The following CNTN5 variants were observed in gnomAD, a reference collection of about 807,000 sequenced individuals.
The protein encoded by CNTN5 is contactin 5.
A neutral mutation model predicts 129.1 loss-of-function variants in CNTN5; 77 were observed. That is an observed-to-expected ratio of 0.60 (90% CI 0.50 to 0.72). The LOEUF (loss-of-function observed/expected upper bound fraction) is 0.72. CNTN5 is among the 30% of genes least tolerant of loss of function. CNTN5 has a pLI of 0.00. For missense variants in CNTN5, 1,478 were observed against 1,328.8 expected (o/e 1.11, Z -1.75); for synonymous variants, 509 against 465.6 (o/e 1.09, Z -1.20).
At chr11:100,053,341 A>G (rs893159245) in intron 9 of CNTN5, among the ~76,000 whole-genome samples, 2 of 151,734 alleles carry the variant, frequency 1.3e-5, no homozygotes, top group Non-Finnish European at 3.0e-5. Context: ...TGTGCAATAT[A>G]TATTTGATAA....
intron 1 of CNTN5, among the ~76,000 whole-genome samples, chr11:99,033,248 C>A (rs997119776): frequency 2.6e-5 from 4 of 151,572 alleles, no homozygotes; most frequent in Admixed American, 2.6e-4. Context: ...CTTGGCAATG[C>A]GGGCTCTTTT....
chr11:99,137,753 A>G (rs569474294), intron 1 of CNTN5, among the ~76,000 whole-genome samples: 1 of 152,204 alleles, frequency 6.6e-6, no homozygotes, highest in South Asian at 2.1e-4. Flanking sequence ...ATTCTATAAC[A>G]CTAATTTTGT....
chr11:100,219,474 A>G (rs1181859224), intron 15 of CNTN5, among the ~76,000 whole-genome samples: 1 of 152,190 alleles, frequency 6.6e-6, no homozygotes, highest in Non-Finnish European at 1.5e-5. Flanking sequence ...CACTAGATTA[A>G]TACAGAAATG....
intron 9 of CNTN5, among the ~76,000 whole-genome samples, chr11:100,027,525 T>C (rs891374526): frequency 6.6e-6 from 1 of 152,342 alleles, no homozygotes; most frequent in African/African-American, 2.4e-5. Context: ...CACTGGTCCT[T>C]CTAATCCTTT....
intron 13 of CNTN5, among the ~76,000 whole-genome samples, chr11:100,097,940 A>G (rs1343882659): frequency 6.6e-6 from 1 of 152,064 alleles, no homozygotes; most frequent in East Asian, 1.9e-4. Context: ...GGACAAAATT[A>G]AACATGGTAA....
chr11:100,247,574 C>T (rs746268876), intron 16 of CNTN5, among the ~76,000 whole-genome samples: 3 of 152,094 alleles, frequency 2.0e-5, no homozygotes, highest in Admixed American at 6.6e-5. Context: ...CCCAATCCCA[C>T]GTGAAGTTGA....
chr11:99,816,074 A>C (rs1443708136), intron 3 of CNTN5, among the ~76,000 whole-genome samples: 2 of 152,096 alleles, frequency 1.3e-5, no homozygotes, highest in African/African-American at 2.4e-5. Context: ...TTTAAATTCA[A>C]CTATTAATAG....
chr11:99,513,617 A>G (rs1054399659), intron 2 of CNTN5, among the ~76,000 whole-genome samples: 8 of 152,142 alleles, frequency 5.3e-5, no homozygotes, highest in Non-Finnish European at 1.0e-4. Context: ...GAATTATGCT[A>G]AATCTACTCT....
intron 1 of CNTN5, among the ~76,000 whole-genome samples, chr11:99,090,721 G>GAAA (rs934808247): frequency 9.6e-5 from 9 of 94,124 alleles, no homozygotes; most frequent in East Asian, 3.0e-4. Flanking sequence ...GTGCTCACCA[G>GAAA]AAAAAAAAAA....
intron 2 of CNTN5, among the ~76,000 whole-genome samples, chr11:99,455,980 C>G (rs11220010): frequency 3.3e-5 from 5 of 152,184 alleles, no homozygotes; most frequent in East Asian, 3.9e-4. Flanking sequence ...GTTGCCAAAA[C>G]AACCAGGAGC....
chr11:99,905,119 G>T (rs972562280), intron 6 of CNTN5, among the ~76,000 whole-genome samples: 3 of 152,122 alleles, frequency 2.0e-5, no homozygotes, highest in African/African-American at 7.2e-5. Flanking sequence ...AGTTTCTTTT[G>T]CTGTGCAGAA....
intron 3 of CNTN5, among the ~76,000 whole-genome samples, chr11:99,790,341 A>C (rs1945695662): frequency 6.6e-6 from 1 of 151,958 alleles, no homozygotes. Flanking sequence ...TTCCACCTCA[A>C]GTAGACCTTA....
At chr11:100,248,861 C>A (rs1369160343) in intron 16 of CNTN5, among the ~76,000 whole-genome samples, 1 of 152,102 alleles carries the variant, frequency 6.6e-6, no homozygotes, top group Non-Finnish European at 1.5e-5. Flanking sequence ...GGAGAATGAG[C>A]AATAATTTCA....
intron 6 of CNTN5, among the ~76,000 whole-genome samples, chr11:99,908,666 A>C (rs575461562): frequency 6.6e-6 from 1 of 152,052 alleles, no homozygotes; most frequent in African/African-American, 2.4e-5. Context: ...TTCATTGTAG[A>C]TTAGTTATCA....
intron 3 of CNTN5, among the ~76,000 whole-genome samples, chr11:99,758,186 C>T (rs1021048725): frequency 6.6e-6 from 1 of 152,060 alleles, no homozygotes; most frequent in African/African-American, 2.4e-5. Context: ...CAAGGTTGAC[C>T]TTAATGACAA....
chr11:99,135,695 T>G (rs577790949), intron 1 of CNTN5, among the ~76,000 whole-genome samples: 1 of 152,314 alleles, frequency 6.6e-6, no homozygotes, highest in Admixed American at 6.5e-5. Flanking sequence ...TCAATGAAAG[T>G]AATTGCATTT....
At chr11:100,282,547 C>T (rs1950662429) in intron 18 of CNTN5, among the ~76,000 whole-genome samples, 1 of 152,212 alleles carries the variant, frequency 6.6e-6, no homozygotes, top group African/African-American at 2.4e-5. Flanking sequence ...GCCAGTCCAG[C>T]AGTCGATCTC....
At chr11:99,042,365 CTTTTTTTTTTT>C (rs1210153589) in intron 1 of CNTN5, among the ~76,000 whole-genome samples, 12 of 83,798 alleles carry the variant, frequency 1.4e-4, no homozygotes, top group African/African-American at 4.0e-4. Flanking sequence ...TCTTCTTCTT[CTTTTTTTTTTT>C]TTTTTTTTTT....
chr11:99,592,015 G>A (rs1236700024), intron 3 of CNTN5, among the ~76,000 whole-genome samples: 2 of 152,188 alleles, frequency 1.3e-5, no homozygotes, highest in African/African-American at 4.8e-5. Context: ...GAGCAGCTAA[G>A]TATAGTTTTA....
Sources: allele counts gnomAD v4.1 joint callset (sites outside exome capture counted in the v4.1 genomes callset), GRCh38; gene constraint gnomAD v4.1.1; transcripts MANE v1.5; gene names NCBI Gene and HGNC (gene_info 2026-07-23, HGNC 2026-07-21).